SRGAP3: variants seen among roughly 807,000 people sequenced by gnomAD.
SRGAP3 encodes the protein SLIT-ROBO Rho GTPase-activating protein 3.
Under a neutral mutation model 121.1 loss-of-function variants are expected in SRGAP3, and 39 were observed. That is an observed-to-expected ratio of 0.32 (90% CI 0.25 to 0.42). The LOEUF (loss-of-function observed/expected upper bound fraction) is 0.42, where lower values mean the gene tolerates loss of function less well. Among genes scored for constraint, SRGAP3 ranks in the 10% least tolerant of loss-of-function variants. SRGAP3 has a pLI of 1.00. For synonymous variants in SRGAP3, 601 were observed against 570.0 expected (o/e 1.05, Z -0.77); for missense variants, 1,213 against 1,470.6 (o/e 0.82, Z 2.86).
chr3:9,249,201 C>T lies in SRGAP3; in HGVS notation c.-250G>A, dbSNP rs1953929459. On this transcript the variant is annotated 5_prime_UTR_variant, in exon 1 of 22. Transcript: ENST00000383836. ...GCTCCTCTTGCAAAAGAAGAATCACCCTAGGAGCACAGTAACCTGCCCCAG... is the reference window on the plus strand; with the variant it reads ...GCTCCTCTTGCAAAAGAAGAATCACTCTAGGAGCACAGTAACCTGCCCCAG... The T allele has an allele frequency of 1.8e-6, 1 of 568,034 alleles. No homozygotes were observed. Among genetic ancestry groups the T allele is most frequent in the African/African-American group, 1.9e-5 (1 of 53,302 alleles). 35.2% of individuals were successfully genotyped at this position (568,034 alleles called of 1,614,324 possible).
Position 9,053,326 on chromosome 3 carries a change from TC to T in SRGAP3, c.1126-103del, listed in dbSNP as rs1945672414. ...GTCACTTTACTTCTTCCATATGAAG[TC>T]CCTAGGATATAGGCAGAACAAAAAT... On this transcript the variant is annotated intron_variant, in intron 8 of 21. Transcript: ENST00000383836. The T allele has an allele frequency of 2.5e-6, 3 of 1,191,620 alleles. No individual in the cohort carries two copies. In the South Asian group the frequency reaches 3.9e-5, roughly 16 times the overall value. The allele number at this position is 1,191,620 out of a possible 1,614,324, so 73.8% of individuals were successfully genotyped here.
chr3:9,157,843 A>G (rs1950469778), intron 1 of SRGAP3, among the ~76,000 whole-genome samples: 2 of 152,232 alleles, frequency 1.3e-5, no homozygotes, highest in South Asian at 4.1e-4. Flanking sequence ...AGTCAGGGGG[A>G]CAACTAATGA....
At chr3:9,219,932 C>T (rs1560444541) in intron 1 of SRGAP3, among the ~76,000 whole-genome samples, 1 of 152,008 alleles carries the variant, frequency 6.6e-6, no homozygotes, top group African/African-American at 2.4e-5. Context: ...AAGCCAGGCA[C>T]AAAAAGATAA....
chr3:9,350,769 A>C (rs2030089657), intron 1 of SRGAP3, among the ~76,000 whole-genome samples: 1 of 152,176 alleles, frequency 6.6e-6, no homozygotes, highest in South Asian at 2.1e-4. Context: ...AGGGAAAAAA[A>C]ATCAGTGGCC....
intron 1 of SRGAP3, among the ~76,000 whole-genome samples, chr3:9,332,790 G>T (rs1445737611): frequency 1.3e-5 from 2 of 152,122 alleles, no homozygotes; most frequent in Non-Finnish European, 2.9e-5. Context: ...GAAGGCAAGG[G>T]TCATTTACCT....
chr3:9,006,292 C>A (rs1486477269), intron 18 of SRGAP3, among the ~76,000 whole-genome samples: 2 of 150,890 alleles, frequency 1.3e-5, no homozygotes, highest in African/African-American at 2.4e-5. Flanking sequence ...CCCAGCTACT[C>A]CGGAGGCTGA....
At chr3:9,316,746 G>A (rs1955353848) in intron 3 of SRGAP3, among the ~76,000 whole-genome samples, 1 of 152,158 alleles carries the variant, frequency 6.6e-6, no homozygotes, top group South Asian at 2.1e-4. Flanking sequence ...CTGAAGGAAT[G>A]CATCACATAT....
chr3:9,001,838 T>C (rs1334720582), intron 18 of SRGAP3, among the ~76,000 whole-genome samples: 3 of 152,110 alleles, frequency 2.0e-5, no homozygotes, highest in African/African-American at 7.2e-5. Context: ...TTCATAATGA[T>C]AAAAATTTTG....
chr3:9,361,536 C>T (rs1168139110), intron 1 of SRGAP3, among the ~76,000 whole-genome samples: 1 of 152,040 alleles, frequency 6.6e-6, no homozygotes, highest in Non-Finnish European at 1.5e-5. Context: ...AATTCTATGC[C>T]CCCCAACTGA....
intron 12 of SRGAP3, among the ~76,000 whole-genome samples, chr3:9,029,644 A>G (rs1944380809): frequency 1.3e-5 from 2 of 152,228 alleles, no homozygotes; most frequent in African/African-American, 4.8e-5. Flanking sequence ...AAGGCATGTG[A>G]ATTATAATAG....
chr3:9,097,110 C>A (rs567603390), intron 3 of SRGAP3, among the ~76,000 whole-genome samples: 1 of 151,212 alleles, frequency 6.6e-6, no homozygotes, highest in African/African-American at 2.4e-5. Flanking sequence ...CCAGCCTCAG[C>A]CTTGCAAGTA....
intron 18 of SRGAP3, among the ~76,000 whole-genome samples, chr3:9,000,858 G>A (rs1277220295): frequency 6.6e-6 from 1 of 152,194 alleles, no homozygotes; most frequent in Admixed American, 6.5e-5. Context: ...CAGCCGGAAA[G>A]GATCCGGGAA....
At chr3:9,348,989 GC>G in intron 1 of SRGAP3, 1 of 926,278 alleles carries the variant, frequency 1.1e-6, no homozygotes, top group Non-Finnish European at 1.8e-6. Context: ...ACTAATTGCA[GC>G]CCATGGCAAC....
At chr3:9,193,088 C>T (rs1951808827) in intron 1 of SRGAP3, 1 of 152,164 alleles carries the variant, frequency 6.6e-6, no homozygotes, top group South Asian at 2.1e-4. Context: ...ACTTGCCAGC[C>T]AATTAGACTG....
Position 9,272,996 on chromosome 3 carries a change from C to T in SRGAP3, n.442+53014G>A, listed in dbSNP as rs141119864. Among the ~76,000 whole-genome samples the T allele has an allele frequency of 1.5e-3, 223 of 152,258 alleles. 1 individual carries two copies. Among genetic ancestry groups the T allele is most frequent in the African/African-American group, 5.0e-3 (209 of 41,538 alleles). ...ATGGGTGTAAGGTTGTATCTTATTGCAGTGGTTCCCAACCTTTTTGGCACC... is the reference window on the plus strand; with the variant it reads ...ATGGGTGTAAGGTTGTATCTTATTGTAGTGGTTCCCAACCTTTTTGGCACC... On this transcript the variant is annotated intron_variant and non_coding_transcript_variant, in intron 3 of 3. Coordinates refer to the SRGAP3 transcript ENST00000490889.
At chr3:9,248,601 G>A (rs189045707) in intron 1 of SRGAP3, among the ~76,000 whole-genome samples, 264 of 152,238 alleles carry the variant, frequency 1.7e-3, no homozygotes, top group Middle Eastern at 6.8e-3. Context: ...AGATGATGGG[G>A]TATCAGCGAC....
chr3:9,029,920 C>G (rs1315021400), intron 12 of SRGAP3, among the ~76,000 whole-genome samples: 1 of 151,976 alleles, frequency 6.6e-6, no homozygotes, highest in Non-Finnish European at 1.5e-5. Context: ...TGGGAAGGAT[C>G]CCTTGGGCCC....
intron 13 of SRGAP3, among the ~76,000 whole-genome samples, chr3:9,025,684 G>A (rs1363286112): frequency 6.6e-6 from 1 of 152,212 alleles, no homozygotes; most frequent in Non-Finnish European, 1.5e-5. Context: ...GGACTTGAGA[G>A]AAGTTAAATC....
At chr3:9,074,646 T>A (rs1031541357) in intron 4 of SRGAP3, among the ~76,000 whole-genome samples, 34 of 152,314 alleles carry the variant, frequency 2.2e-4, no homozygotes, top group African/African-American at 7.7e-4. Flanking sequence ...GGACCAGAAC[T>A]CAGGCTCCTG....
Sources: gnomAD v4.1 joint callset for allele counts (sites outside exome capture counted in the v4.1 genomes callset) on GRCh38, gnomAD v4.1.1 for gene constraint, MANE v1.5 for transcripts, NCBI Gene and HGNC (gene_info 2026-07-23, HGNC 2026-07-21) for gene names.